The following NSUN7 variants were observed in gnomAD, a reference collection of about 807,000 sequenced individuals.
NSUN7 encodes NOP2/Sun RNA methyltransferase family member 7.
NSUN7 carries 39 observed loss-of-function variants against 58.5 expected under a neutral mutation model. The ratio of observed to expected loss-of-function variants is 0.67; its 90% confidence interval spans 0.52 to 0.87. NSUN7 has a LOEUF of 0.87. NSUN7 is among the 40% of genes least tolerant of loss of function. The pLI is 0.00. For synonymous variants in NSUN7, 278 were observed against 303.7 expected (o/e 0.92, Z 0.88); for missense variants, 765 against 844.1 (o/e 0.91, Z 1.16).
At position 40,796,027 on chromosome 4, in the gene NSUN7, C is replaced by A. The variant is rs1743309666; in HGVS notation, c.1282+1551C>A. 1.3e-5 allele frequency among the ~76,000 whole-genome samples: 2 copies of A among 152,146 alleles called. 1 individual carries two copies. Among genetic ancestry groups the A allele is most frequent in the Admixed American group, 1.3e-4 (2 of 15,278 alleles). ...AAGGGGGCTCGGGCACCCCTAATTC[C>A]CTTACCCTCTAAGACTCACAGCCTT... On this transcript the variant is annotated intron_variant, in intron 9 of 11. Transcript: ENST00000381782.
At chr4:40,795,902 T>C (rs180802731) in intron 9 of NSUN7, among the ~76,000 whole-genome samples, 1 of 152,258 alleles carries the variant, frequency 6.6e-6, no homozygotes, top group African/African-American at 2.4e-5. Context: ...GTTTACTTAT[T>C]ATGTGCCTGG....
intron 8 of NSUN7, among the ~76,000 whole-genome samples, chr4:40,792,463 G>C (rs761005947): frequency 6.6e-6 from 1 of 152,144 alleles, no homozygotes; most frequent in Non-Finnish European, 1.5e-5. Context: ...AGAAGTTGTC[G>C]TATACTGGCC....
chr4:40,777,583 T>A (rs963160155), intron 7 of NSUN7, among the ~76,000 whole-genome samples: 6 of 152,222 alleles, frequency 3.9e-5, no homozygotes, highest in Non-Finnish European at 7.3e-5. Flanking sequence ...CCCAAAGTGC[T>A]AGGATTACAG....
chr4:40,777,872 T>A (rs1742346360), intron 7 of NSUN7, among the ~76,000 whole-genome samples: 1 of 152,156 alleles, frequency 6.6e-6, no homozygotes, highest in African/African-American at 2.4e-5. Flanking sequence ...GTAGCTGAAA[T>A]TACAGGCAGG....
intron 4 of NSUN7, among the ~76,000 whole-genome samples, chr4:40,765,653 T>A (rs1338911735): frequency 6.6e-6 from 1 of 152,218 alleles, no homozygotes; most frequent in African/African-American, 2.4e-5. Flanking sequence ...TGGCATTGAA[T>A]CTATAAATTA....
intron 9 of NSUN7, among the ~76,000 whole-genome samples, chr4:40,797,530 G>A (rs921617936): frequency 1.3e-5 from 2 of 152,136 alleles, no homozygotes; most frequent in Non-Finnish European, 2.9e-5. Context: ...GGCTAAAAAC[G>A]TTAGCATTAT....
chr4:40,800,609 G>A lies in NSUN7; in HGVS notation c.1400+1705G>A, dbSNP rs1187465276. The stretch of plus-strand genomic sequence containing the variant: ...CCTGCCTTGGCATCCCAAAGTGCTG[G>A]GATTACAGGCGTGAGCCACCATGCC... On this transcript the variant is annotated intron_variant, in intron 10 of 11. Coordinates refer to ENST00000381782, the MANE Select transcript of NSUN7 (RefSeq NM_024677.6). Among the ~76,000 whole-genome samples the A allele has an allele frequency of 4.6e-5, 7 of 152,218 alleles. No individual in the cohort carries two copies. The South Asian group carries it at 1.5e-3, about 32-fold the overall frequency.
intron 10 of NSUN7, among the ~76,000 whole-genome samples, chr4:40,801,143 A>G (rs1028187245): frequency 2.0e-5 from 3 of 152,134 alleles, no homozygotes; most frequent in African/African-American, 7.2e-5. Flanking sequence ...TTGCATTGCC[A>G]TGGGAGAAGA....
intron 8 of NSUN7, among the ~76,000 whole-genome samples, chr4:40,791,109 A>C (rs1743055351): frequency 6.6e-6 from 1 of 152,210 alleles, no homozygotes; most frequent in Admixed American, 6.5e-5. Context: ...TCTCAGGTCA[A>C]GCAACTAGAG....
At chr4:40,787,777 AG>A (rs1742897827) in intron 7 of NSUN7, among the ~76,000 whole-genome samples, 1 of 152,228 alleles carries the variant, frequency 6.6e-6, no homozygotes, top group South Asian at 2.1e-4. Context: ...AGAGAATGGA[AG>A]GAGGAACTAC....
intron 10 of NSUN7, among the ~76,000 whole-genome samples, chr4:40,803,572 TTA>T (rs1278467509): frequency 1.3e-5 from 2 of 152,222 alleles, no homozygotes; most frequent in African/African-American, 2.4e-5. Flanking sequence ...TATGTTTATA[TTA>T]TGTTATAGAT....
intron 10 of NSUN7, among the ~76,000 whole-genome samples, chr4:40,806,425 T>G (rs745386683): frequency 7.2e-5 from 11 of 152,200 alleles, no homozygotes; most frequent in Non-Finnish European, 8.8e-5. Flanking sequence ...TTATTCATGA[T>G]GAACCACTTA....
chr4:40,793,373 C>G (rs1275155925), intron 8 of NSUN7, among the ~76,000 whole-genome samples: 1 of 152,112 alleles, frequency 6.6e-6, no homozygotes, highest in Non-Finnish European at 1.5e-5. Context: ...ACCCAGGAGG[C>G]AGAGGTTGCA....
chr4:40,774,094 G>C (rs539403101), intron 4 of NSUN7, among the ~76,000 whole-genome samples, 171 bp from the exon 5 acceptor site: 2 of 152,276 alleles, frequency 1.3e-5, no homozygotes, highest in Non-Finnish European at 2.9e-5. Flanking sequence ...CGCTGCGCCT[G>C]GGCTTGGATT....
chr4:40,809,012 C>G lies in NSUN7; in HGVS notation c.*73C>G. ...AAAGTCTAGTATTTCTCTGAAGATTCTACATCTCTACACAAGATATTCATT... is the reference window on the plus strand; with the variant it reads ...AAAGTCTAGTATTTCTCTGAAGATTGTACATCTCTACACAAGATATTCATT... On this transcript the variant is annotated 3_prime_UTR_variant, in exon 12 of 12. Transcript: ENST00000381782. 7.4e-7 allele frequency: 1 copy of G among 1,354,458 alleles called. No homozygotes were observed. Among genetic ancestry groups the G allele is most frequent in the Non-Finnish European group, 9.8e-7 (1 of 1,022,016 alleles). The allele number at this position is 1,354,458 out of a possible 1,614,324, so 83.9% of individuals were successfully genotyped here. A position where few individuals can be genotyped will look rare whatever the true frequency, so the allele number is the denominator to read the frequency against.
rs1742240874 is a variant in NSUN7 at position 40,775,986 on chromosome 4, T to C, written c.826-63T>C. 1.9e-6 allele frequency: 2 copies of C among 1,062,260 alleles called. No individual in the cohort carries two copies. The highest frequency in any genetic ancestry group is 2.7e-6 in the Non-Finnish European group (2 of 736,632). The allele number at this position is 1,062,260 out of a possible 1,614,324, so 65.8% of individuals were successfully genotyped here. Reference sequence around the variant, plus strand: ...GGTACTTTCTTTTATGTAAAGCAAATAGAAGTCAGCTTATATTTCTAGCCA... The same window carrying C: ...GGTACTTTCTTTTATGTAAAGCAAACAGAAGTCAGCTTATATTTCTAGCCA... On this transcript the variant is annotated intron_variant, in intron 6 of 11. Coordinates refer to ENST00000381782, the MANE Select transcript of NSUN7 (RefSeq NM_024677.6). The surrounding 1 kb of genome is among the most constrained non-coding windows in gnomAD (Gnocchi z 4.3).
In NSUN7 at chr4:40,765,048, G is replaced by C. The variant is rs1196416095; in HGVS notation, c.488+3747G>C. The stretch of plus-strand genomic sequence containing the variant: ...TGTAGGTTGCCTGTTCACTCTGATG[G>C]TATTTTCTTTTGCTGTGCAGAAGCT... On this transcript the variant is annotated intron_variant, in intron 4 of 11. Coordinates refer to ENST00000381782, the MANE Select transcript of NSUN7 (RefSeq NM_024677.6). Among the ~76,000 whole-genome samples the C allele has an allele frequency of 1.2e-4, 18 of 147,960 alleles. No homozygotes were observed. In the East Asian group the frequency reaches 3.3e-3, roughly 27 times the overall value.
chr4:40,762,928 G>A (rs568113609), intron 4 of NSUN7, among the ~76,000 whole-genome samples: 228 of 152,238 alleles, frequency 1.5e-3, no homozygotes, highest in African/African-American at 5.3e-3. Context: ...TCTAATGCTT[G>A]ATGATCTGAG....
intron 4 of NSUN7, among the ~76,000 whole-genome samples, chr4:40,771,098 T>C (rs1033086541): frequency 6.6e-6 from 1 of 152,138 alleles, no homozygotes; most frequent in African/African-American, 2.4e-5. Context: ...TTAGTTAAGA[T>C]GATTTTTTGC....
Sources: allele counts gnomAD v4.1 joint callset (sites outside exome capture counted in the v4.1 genomes callset), GRCh38; gene constraint gnomAD v4.1.1; non-coding constraint Gnocchi (gnomAD v3.1); transcripts MANE v1.5; gene names NCBI Gene and HGNC (gene_info 2026-07-23, HGNC 2026-07-21).